The following SRPK1 variants were observed in gnomAD, a reference collection of about 807,000 sequenced individuals.
SRPK1 encodes SFRS protein kinase 1.
Under a neutral mutation model 89.5 loss-of-function variants are expected in SRPK1, and 52 were observed. The observed-to-expected ratio is 0.58, with a 90% CI of 0.46 to 0.73. The LOEUF is 0.73. Ranked by LOEUF, SRPK1 falls within the 30% of genes least tolerant of loss-of-function variation. The pLI is 0.00. For synonymous variants in SRPK1, 255 were observed against 270.2 expected, an observed-to-expected ratio of 0.94 and a Z score of 0.55; for missense variants, 603 against 780.6, an observed-to-expected ratio of 0.77 and a Z score of 2.71.
At chr6:35,888,246 T>A in intron 4 of SRPK1, 135 bp from the exon 5 acceptor site, 1 of 501,444 alleles carries the variant, frequency 2.0e-6, no homozygotes, top group Non-Finnish European at 3.5e-6. Flanking sequence ...GCTACTTCTA[T>A]GGGAACATTT....
At chr6:35,839,584 G>C (rs1769258082) in intron 14 of SRPK1, among the ~76,000 whole-genome samples, 1 of 151,994 alleles carries the variant, frequency 6.6e-6, no homozygotes, top group African/African-American at 2.4e-5. Flanking sequence ...TTAACCAGGA[G>C]GTGAGTCTGG....
rs1158192599 is a variant in SRPK1, at chr6:35,888,869, A to G, written c.248T>C (p.Ile83Thr). ...GDLFNGRYHV[I>T]RKLGWGHFST... ...AAAGTGTCCCCAGCCTAACTTTCGG[A>G]TCACATGGTATCTCCCATTGAATAG... Residue 83 changes from isoleucine (I) to threonine (T), a missense_variant, in exon 4 of 16, where the codon ATC becomes ACC. Physicochemically the swap from Ile to Thr is moderately conservative, Grantham distance 89. Coordinates refer to ENST00000373825, the MANE Select transcript of SRPK1 (RefSeq NM_003137.5). 5.6e-6 allele frequency: 9 copies of G among 1,613,360 alleles called. No individual in the cohort carries two copies. In the Admixed American group the frequency reaches 6.7e-5, roughly 12 times the overall value.
intron 6 of SRPK1, among the ~76,000 whole-genome samples, chr6:35,880,746 A>AAAAAAAGAAAG (rs1770263877): frequency 2.2e-5 from 2 of 89,200 alleles, no homozygotes; most frequent in Non-Finnish European, 2.2e-5. Flanking sequence ...AAAAAAAAAA[A>AAAAAAAGAAAG]AAAAGAAAAG....
intron 12 of SRPK1, among the ~76,000 whole-genome samples, chr6:35,859,119 C>T (rs1465621059): frequency 6.6e-6 from 1 of 152,120 alleles, no homozygotes; most frequent in East Asian, 1.9e-4. Context: ...ATGATATAAA[C>T]ATGGTATGAT....
At chr6:35,836,732 G>T (rs1382994503) in intron 15 of SRPK1, among the ~76,000 whole-genome samples, 1 of 150,328 alleles carries the variant, frequency 6.7e-6, no homozygotes, top group East Asian at 1.9e-4. Flanking sequence ...TCCAGCCTGG[G>T]TGACAGAGTG....
In SRPK1 at chr6:35,886,807, C is replaced by A. The variant is rs775640291; in HGVS notation, c.395G>T (p.Arg132Leu). 6.3e-7 allele frequency: 1 copy of A among 1,599,704 alleles called. No individual in the cohort carries two copies. Among genetic ancestry groups the A allele is most frequent in the Non-Finnish European group, 8.6e-7 (1 of 1,167,596 alleles). ...ATTTGGATCATTAGGGTCTGAATTGCGAACCTGTAGTGGGGAAGAGACAGT... is the reference window on the plus strand; with the variant it reads ...ATTTGGATCATTAGGGTCTGAATTGAGAACCTGTAGTGGGGAAGAGACAGT... ...LDEIRLLKSV[R>L]NSDPNDPNRE... The change falls in exon 6 of 16, where the codon CGC (arginine) becomes CTC (leucine). Residue 132 changes from arginine to leucine, a missense_variant. By Grantham distance (102) the Arg-to-Leu change is moderately radical. Coordinates refer to ENST00000373825, the MANE Select transcript of SRPK1 (RefSeq NM_003137.5).
At position 35,921,066 on chromosome 6, in the gene SRPK1, G is replaced by C. The variant is rs748064438; in HGVS notation, c.-10C>G. 5 of 1,527,252 alleles carry C rather than the reference G, an allele frequency of 3.3e-6. No individual in the cohort carries two copies. The East Asian group carries it at 1.1e-4, about 33-fold the overall frequency. The allele number at this position is 1,527,252 out of a possible 1,614,324, so 94.6% of individuals were successfully genotyped here. A position where few individuals can be genotyped will look rare whatever the true frequency, so the allele number is the denominator to read the frequency against. On this transcript the variant is annotated 5_prime_UTR_variant, in exon 1 of 16. Coordinates refer to ENST00000373825, the MANE Select transcript of SRPK1 (RefSeq NM_003137.5). The stretch of plus-strand genomic sequence containing the variant: ...CACCTTTCCGCTCCATGGTGAGACC[G>C]GTAATCGCCAGGCGCCTGCGCACTC...
At chr6:35,896,356 T>C (rs1326708615) in intron 2 of SRPK1, among the ~76,000 whole-genome samples, 3 of 152,186 alleles carry the variant, frequency 2.0e-5, no homozygotes, top group African/African-American at 7.2e-5. Context: ...TTCATTGTTG[T>C]GGTGTGAGAG....
intron 2 of SRPK1, among the ~76,000 whole-genome samples, chr6:35,916,127 G>A (rs1376781318): frequency 6.6e-6 from 1 of 151,068 alleles, no homozygotes; most frequent in Non-Finnish European, 1.5e-5. Context: ...GAGAAACTGA[G>A]ACAGGAGAAT....
At chr6:35,851,348 AT>A (rs750459941) in intron 13 of SRPK1, among the ~76,000 whole-genome samples, 10 of 151,724 alleles carry the variant, frequency 6.6e-5, no homozygotes, top group African/African-American at 9.7e-5. Flanking sequence ...TAACTTTTGT[AT>A]TTTTGGTAGA....
intron 2 of SRPK1, among the ~76,000 whole-genome samples, chr6:35,896,931 AC>A (rs113782129): frequency 0.064 from 9,701 of 152,264 alleles, 916 homozygotes; most frequent in African/African-American, 0.21. Flanking sequence ...AACCTTGAAA[AC>A]ATTATACTAA....
At chr6:35,888,178 C>T in intron 4 of SRPK1, 67 bp from the exon 5 acceptor site, 1 of 1,077,982 alleles carries the variant, frequency 9.3e-7, no homozygotes, top group Non-Finnish European at 1.3e-6. Context: ...TAAGATTTAG[C>T]TATAAGATGG....
At chr6:35,876,085 T>TAAAAAAAAAAAAAAA (rs34493292) in intron 6 of SRPK1, among the ~76,000 whole-genome samples, 2 of 77,646 alleles carry the variant, frequency 2.6e-5, no homozygotes, top group Non-Finnish European at 2.4e-5. Context: ...ATTCTTAAAT[T>TAAAAAAAAAAAAAAA]AAAAAAAAAA....
intron 2 of SRPK1, among the ~76,000 whole-genome samples, chr6:35,918,175 G>T (rs945913511): frequency 6.6e-6 from 1 of 151,558 alleles, no homozygotes; most frequent in Non-Finnish European, 1.5e-5. Context: ...ACAAACAAAA[G>T]AAAAGAAAGA....
intron 2 of SRPK1, among the ~76,000 whole-genome samples, chr6:35,913,971 T>C (rs1049880350): frequency 7.2e-5 from 8 of 111,674 alleles, no homozygotes; most frequent in African/African-American, 3.0e-4. Context: ...TACTTTCTCT[T>C]TTTTTTTTTT....
intron 13 of SRPK1, among the ~76,000 whole-genome samples, chr6:35,850,069 C>T (rs1053609384): frequency 1.3e-5 from 2 of 151,282 alleles, no homozygotes; most frequent in East Asian, 1.9e-4. Flanking sequence ...TGAAGATAAT[C>T]GGGAGATGAT....
rs538375999 is a variant in SRPK1 at position 35,859,862 on chromosome 6, T to G, written c.1513-2494A>C. ...GTGAATGGCTGAAAAGAACGTAGTC[T>G]TTTTTTTTTTTTTTGAGATGGAGTC... On this transcript the variant is annotated intron_variant, in intron 12 of 15. Coordinates refer to ENST00000373825, the MANE Select transcript of SRPK1 (RefSeq NM_003137.5). Among the ~76,000 whole-genome samples the G allele has an allele frequency of 3.5e-3, 496 of 140,832 alleles. 6 individuals are homozygous for G. Among genetic ancestry groups the G allele is most frequent in the Middle Eastern group, 0.015 (4 of 266 alleles). The allele number at this position is 140,832 out of a possible 152,430, so 92.4% of individuals were successfully genotyped here. A position where few individuals can be genotyped will look rare whatever the true frequency, so the allele number is the denominator to read the frequency against.
chr6:35,852,088 A>G (rs769104438), intron 13 of SRPK1, among the ~76,000 whole-genome samples: 1 of 152,274 alleles, frequency 6.6e-6, no homozygotes, highest in African/African-American at 2.4e-5. Context: ...GTGCTATTCA[A>G]TGGGGTTACA....
chr6:35,899,600 C>T (rs1770700288), intron 2 of SRPK1, among the ~76,000 whole-genome samples: 1 of 152,084 alleles, frequency 6.6e-6, no homozygotes, highest in Non-Finnish European at 1.5e-5. Flanking sequence ...ACACATCTGC[C>T]CCCAACAGAA....
Sources: gnomAD v4.1 joint callset for allele counts (sites outside exome capture counted in the v4.1 genomes callset) on GRCh38, gnomAD v4.1.1 for gene constraint, MANE v1.5 for transcripts, NCBI Gene and HGNC (gene_info 2026-07-23, HGNC 2026-07-21) for gene names.